The following RGS9 variants were observed in gnomAD, a reference collection of about 807,000 sequenced individuals.
The protein encoded by RGS9 is regulator of G protein signaling 9, also known as regulator of G-protein signalling 9.
In RGS9, 78 loss-of-function variants were observed where a neutral mutation model predicts 102.0. The ratio of observed to expected loss-of-function variants is 0.76; its 90% CI spans 0.64 to 0.92. The LOEUF (loss-of-function observed/expected upper bound fraction) is 0.92, where lower values mean the gene tolerates loss of function less well. RGS9 is among the 40% of genes least tolerant of loss of function. RGS9 has a pLI of 0.00. For synonymous variants in RGS9, 353 were observed against 318.6 expected, an observed-to-expected ratio of 1.11 and a Z score of -1.15; for missense variants, 833 against 866.1, an observed-to-expected ratio of 0.96 and a Z score of 0.48.
rs1172335266 is a variant in RGS9 at position 65,173,753 on chromosome 17, CCT to C, written c.583-3978_583-3977del. ...GTTCTGGTTAACTTCATCTGAACAC[CCT>C]GTTATGTGCCAGAAACTGTGTCAGC... On this transcript the variant is annotated intron_variant, in intron 8 of 18. Coordinates refer to ENST00000262406, the MANE Select transcript of RGS9 (RefSeq NM_003835.4). The surrounding 1 kb of genome is among the most constrained non-coding windows in gnomAD (Gnocchi z 4.8). Among the ~76,000 whole-genome samples the C allele has an allele frequency of 6.6e-6, 1 of 152,194 alleles. No individual in the cohort carries two copies. The highest frequency in any genetic ancestry group is 1.5e-5 in the Non-Finnish European group (1 of 68,048).
chr17:65,208,855 A>C (rs1913175732), intron 16 of RGS9, among the ~76,000 whole-genome samples: 1 of 152,090 alleles, frequency 6.6e-6, no homozygotes, highest in Non-Finnish European at 1.5e-5. Flanking sequence ...AAACAACAAC[A>C]ACAACAAAAA....
In RGS9 at chr17:65,201,116, CACAG is replaced by C. The variant is rs376527895; in HGVS notation, c.977-873_977-870del. Among the ~76,000 whole-genome samples the C allele has an allele frequency of 3.3e-3, 455 of 137,140 alleles. 1 individual carries two copies. Among genetic ancestry groups the C allele is most frequent in the African/African-American group, 0.012 (424 of 35,366 alleles). 90.0% of individuals were successfully genotyped at this position (137,140 alleles called of 152,430 possible). A position where few individuals can be genotyped will look rare whatever the true frequency, so the allele number is the denominator to read the frequency against. ...TCCACGATTTACACACACACACACA[CACAG>C]ACACACACACACTTGCTCTCTCTTG... On this transcript the variant is annotated intron_variant, in intron 13 of 18. Transcript: ENST00000262406.
chr17:65,159,713 AG>A (rs1046598514), intron 3 of RGS9, among the ~76,000 whole-genome samples: 2 of 152,228 alleles, frequency 1.3e-5, no homozygotes, highest in African/African-American at 2.4e-5. Flanking sequence ...AAACTGGAGC[AG>A]GGTGGGAATT....
chr17:65,216,756 C>T (rs140939498), intron 17 of RGS9, among the ~76,000 whole-genome samples: 1 of 152,250 alleles, frequency 6.6e-6, no homozygotes, highest in Admixed American at 6.5e-5. Flanking sequence ...CTAGGCATAA[C>T]GGATGCAGAA....
intron 8 of RGS9, among the ~76,000 whole-genome samples, chr17:65,175,317 G>C (rs1911585453): frequency 6.6e-6 from 1 of 152,058 alleles, no homozygotes; most frequent in Non-Finnish European, 1.5e-5. Context: ...GCCAAAGTGT[G>C]TGTATGAAGT....
chr17:65,184,962 T>C (rs76851450), intron 9 of RGS9, among the ~76,000 whole-genome samples: 6,357 of 152,044 alleles, frequency 0.042, 153 homozygotes, highest in Middle Eastern at 0.051. Flanking sequence ...CTCAAACTCC[T>C]GGGCTCAAGC....
intron 8 of RGS9, among the ~76,000 whole-genome samples, chr17:65,176,359 C>T (rs1911623750): frequency 6.6e-6 from 1 of 152,208 alleles, no homozygotes; most frequent in Admixed American, 6.5e-5. Flanking sequence ...GCTTCACACC[C>T]TATCTTGTTA....
intron 1 of RGS9, among the ~76,000 whole-genome samples, chr17:65,150,199 G>A (rs1158517404): frequency 6.6e-6 from 1 of 152,176 alleles, no homozygotes; most frequent in Non-Finnish European, 1.5e-5. Flanking sequence ...GTGAAGGCAG[G>A]AAAGGGCTTT....
chr17:65,176,814 T>C (rs1476038326), intron 8 of RGS9, among the ~76,000 whole-genome samples: 2 of 145,294 alleles, frequency 1.4e-5, no homozygotes, highest in Non-Finnish European at 3.0e-5. Context: ...ACCACAAATT[T>C]ACCCATTCAT....
chr17:65,202,337 A>T (rs1421050233), intron 14 of RGS9, among the ~76,000 whole-genome samples: 2 of 152,004 alleles, frequency 1.3e-5, no homozygotes. Flanking sequence ...AGGGGTTAAA[A>T]AAGCAAGCTG....
chr17:65,160,656 T>C, intron 5 of RGS9, 69 bp downstream of exon 5: 1 of 1,550,644 alleles, frequency 6.4e-7, no homozygotes, highest in Non-Finnish European at 8.9e-7. Flanking sequence ...TGCTGCACTT[T>C]GGTGACATTT....
At chr17:65,218,518 CA>C (rs1913593661) in intron 17 of RGS9, among the ~76,000 whole-genome samples, 1 of 152,196 alleles carries the variant, frequency 6.6e-6, no homozygotes, top group Non-Finnish European at 1.5e-5. Context: ...TGGGGTTAGG[CA>C]GACATAGTTT....
chr17:65,183,061 AATCTATCTATCTATCTATCTATCT>A (rs68149271), intron 9 of RGS9, among the ~76,000 whole-genome samples: 1 of 114,396 alleles, frequency 8.7e-6, no homozygotes, highest in African/African-American at 6.0e-5. Context: ...AATTTTTTTA[AATCTATCTATCTATCTATCTATCT>A]ATCTATCTAT....
intron 14 of RGS9, among the ~76,000 whole-genome samples, chr17:65,203,945 TA>T (rs1912948617): frequency 1.3e-5 from 2 of 152,160 alleles, no homozygotes; most frequent in African/African-American, 4.8e-5. Flanking sequence ...ACATCAAAGT[TA>T]AATATTCATA....
chr17:65,184,772 CTTT>C (rs1415810606), intron 9 of RGS9, among the ~76,000 whole-genome samples: 1 of 145,396 alleles, frequency 6.9e-6, no homozygotes, highest in African/African-American at 2.6e-5. Context: ...CCCTTTCATT[CTTT>C]GTTTCTTTCT....
intron 9 of RGS9, among the ~76,000 whole-genome samples, chr17:65,188,026 C>A (rs1221119779): frequency 6.6e-6 from 1 of 152,038 alleles, no homozygotes; most frequent in East Asian, 1.9e-4. Context: ...ACAACAGCAA[C>A]AAAAAGAGGC....
At chr17:65,202,166 G>A in intron 14 of RGS9, 86 bp downstream of exon 14, 2 of 898,740 alleles carry the variant, frequency 2.2e-6, no homozygotes, top group Admixed American at 1.8e-5. Flanking sequence ...TAGGATGAGA[G>A]GACAACAGCC....
intron 17 of RGS9, among the ~76,000 whole-genome samples, chr17:65,213,970 T>C (rs998610251): frequency 1.3e-5 from 2 of 152,224 alleles, no homozygotes; most frequent in African/African-American, 4.8e-5. Context: ...TATTTATTTA[T>C]TTTTTGTTTG....
At chr17:65,200,751 T>TG (rs1214567638) in intron 13 of RGS9, among the ~76,000 whole-genome samples, 2 of 152,110 alleles carry the variant, frequency 1.3e-5, no homozygotes, top group South Asian at 2.1e-4. Flanking sequence ...CACTTATAGG[T>TG]GGATTTTTTT....
Sources: gnomAD v4.1 joint callset for allele counts (sites outside exome capture counted in the v4.1 genomes callset) on GRCh38, gnomAD v4.1.1 for gene constraint, Gnocchi (gnomAD v3.1) non-coding constraint, MANE v1.5 for transcripts, NCBI Gene and HGNC (gene_info 2026-07-23, HGNC 2026-07-21) for gene names.